ZNF880: variants seen among roughly 807,000 people sequenced by gnomAD.
ZNF880 encodes the protein zinc finger protein 880.
ZNF880 carries 12 observed loss-of-function variants against 11.8 expected under a neutral mutation model. The ratio of observed to expected loss-of-function variants is 1.02; its 90% CI spans 0.65 to 1.65. The LOEUF is 1.65. Ranked by LOEUF, ZNF880 falls within the 40% of genes most tolerant of loss-of-function variation. The pLI is 0.00. For missense variants in ZNF880, 601 were observed against 673.9 expected (o/e 0.89, Z 1.20); for synonymous variants, 210 against 232.4 (o/e 0.90, Z 0.88).
the ZNF880 span, among the ~76,000 whole-genome samples, chr19:52,393,841 T>G: frequency 2.1e-5 from 3 of 144,288 alleles, no homozygotes; most frequent in Admixed American, 7.0e-5. Flanking sequence ...CCCCCTTTTT[T>G]TTTTTTTTTT....
chr19:52,388,466 C>T (rs958163988), downstream of ZNF880, among the ~76,000 whole-genome samples: 2 of 150,816 alleles, frequency 1.3e-5, no homozygotes, highest in African/African-American at 4.9e-5. Flanking sequence ...TTAATAGAGA[C>T]AGGGTTTCAC....
chr19:52,381,931 C>CA (rs998389678), intron 3 of ZNF880, among the ~76,000 whole-genome samples: 3 of 151,956 alleles, frequency 2.0e-5, no homozygotes, highest in African/African-American at 7.3e-5. Context: ...TAACATATAT[C>CA]AAAAAAGCTT....
chr19:52,380,422 T>C (rs1209488198), intron 3 of ZNF880, among the ~76,000 whole-genome samples: 1 of 152,134 alleles, frequency 6.6e-6, no homozygotes, highest in Non-Finnish European at 1.5e-5. Context: ...TGCTAGTTAT[T>C]TGTATATCAC....
chr19:52,385,492 C>T lies in ZNF880; in HGVS notation c.*178C>T, dbSNP rs1986857672. Reference sequence around the variant, plus strand: ...TCATAGCAATGTATGTGAATCAGGTCTCTTGAGGCCTGCCAAATGACTAGA... The same window carrying T: ...TCATAGCAATGTATGTGAATCAGGTTTCTTGAGGCCTGCCAAATGACTAGA... On this transcript the variant is annotated 3_prime_UTR_variant, in exon 4 of 4. Transcript: ENST00000422689. The T allele has an allele frequency of 1.4e-6, 1 of 703,870 alleles. No homozygotes were observed. The highest frequency in any genetic ancestry group is 2.7e-5 in the East Asian group (1 of 36,396). The allele number at this position is 703,870 out of a possible 1,614,324, so 43.6% of individuals were successfully genotyped here.
chr19:52,373,669 A>ATTCTTT (rs1986461292), intron 2 of ZNF880, among the ~76,000 whole-genome samples: 32 of 102,558 alleles, frequency 3.1e-4, no homozygotes, highest in African/African-American at 1.2e-3. Flanking sequence ...AAATACTGTA[A>ATTCTTT]TTTTTTTTTT....
downstream of ZNF880, among the ~76,000 whole-genome samples, chr19:52,386,093 T>A (rs1986878639): frequency 1.5e-5 from 2 of 132,384 alleles, no homozygotes; most frequent in South Asian, 2.3e-4. Context: ...GACAATGGTG[T>A]GAACCTGGGA....
chr19:52,374,061 C>T lies in ZNF880; in HGVS notation c.140-238C>T, dbSNP rs936794215. On this transcript the variant is annotated intron_variant, in intron 2 of 3. Transcript: ENST00000422689. ...ATGCCACAGTACACATTTATTCTTT[C>T]TTTTTATTATTATTATTTTTTTGAG... Among the ~76,000 whole-genome samples, 4 of 151,374 alleles carry T rather than the reference C, an allele frequency of 2.6e-5. No individual in the cohort carries two copies. The South Asian group carries it at 6.3e-4, about 24-fold the overall frequency.
chr19:52,382,507 C>T (rs1306790687), intron 3 of ZNF880, among the ~76,000 whole-genome samples: 1 of 152,058 alleles, frequency 6.6e-6, no homozygotes, highest in Non-Finnish European at 1.5e-5. Context: ...TTTCTAAGAA[C>T]ATCTAAATTT....
downstream of ZNF880, chr19:52,389,687 G>A (rs1472617032): frequency 4.6e-5 from 7 of 152,234 alleles, no homozygotes; most frequent in Non-Finnish European, 8.8e-5. Context: ...CTTTTCTCAC[G>A]GCTGCACTAG....
At chr19:52,396,333 T>TAG in the ZNF880 span, 1 of 152,022 alleles carries the variant, frequency 6.6e-6, no homozygotes, top group Admixed American at 6.6e-5. Flanking sequence ...GATCTGGAGG[T>TAG]AGAGGCTGGT....
At chr19:52,375,304 A>G (rs954303376) in intron 3 of ZNF880, among the ~76,000 whole-genome samples, 15 of 151,452 alleles carry the variant, frequency 9.9e-5, no homozygotes, top group African/African-American at 3.4e-4. Flanking sequence ...CTCATGCTTC[A>G]GGCTCCCAAG....
the ZNF880 span, chr19:52,396,252 G>A: frequency 3.9e-5 from 6 of 152,012 alleles, no homozygotes; most frequent in Admixed American, 3.3e-4. Context: ...TTACAGGCGT[G>A]AGCCACCACG....
At chr19:52,370,969 C>A (rs1173886642) in intron 1 of ZNF880, among the ~76,000 whole-genome samples, 2 of 152,134 alleles carry the variant, frequency 1.3e-5, no homozygotes, top group African/African-American at 4.8e-5. Flanking sequence ...TATTGACAGA[C>A]AACTCTTTCA....
At chr19:52,366,920 C>CA (rs1986128262), upstream of ZNF880, 1 of 608,408 alleles carries the variant, frequency 1.6e-6, no homozygotes. Context: ...GGAAACCCTA[C>CA]AAATGTAAAG....
intron 3 of ZNF880, among the ~76,000 whole-genome samples, chr19:52,382,135 G>C (rs1986723931): frequency 6.6e-6 from 1 of 151,896 alleles, no homozygotes; most frequent in Non-Finnish European, 1.5e-5. Flanking sequence ...TTAGCCAGGT[G>C]GGGTAACGCA....
chr19:52,393,626 T>C, the ZNF880 span, among the ~76,000 whole-genome samples: 1 of 152,126 alleles, frequency 6.6e-6, no homozygotes, highest in African/African-American at 2.4e-5. Context: ...CTAACCTTGT[T>C]AGTATCTGCA....
downstream of ZNF880, chr19:52,389,119 G>A (rs565718473): frequency 6.6e-6 from 1 of 152,230 alleles, no homozygotes; most frequent in African/African-American, 2.4e-5. Context: ...TTCAAGATGA[G>A]ATTTGGTGGG....
chr19:52,391,992 A>G, the ZNF880 span, among the ~76,000 whole-genome samples: 1 of 152,196 alleles, frequency 6.6e-6, no homozygotes, highest in Non-Finnish European at 1.5e-5. Flanking sequence ...TCAGATAAAA[A>G]CTGGGTGTTC....
At chr19:52,391,261 G>A in the ZNF880 span, 1 of 151,810 alleles carries the variant, frequency 6.6e-6, no homozygotes, top group South Asian at 2.1e-4. Flanking sequence ...GGGATCTGGG[G>A]ATGCCAGAGA....
Sources: gnomAD v4.1 joint callset for allele counts (sites outside exome capture counted in the v4.1 genomes callset) on GRCh38, gnomAD v4.1.1 for gene constraint, MANE v1.5 for transcripts, NCBI Gene and HGNC (gene_info 2026-07-23, HGNC 2026-07-21) for gene names.